POU6F2: variants seen among roughly 807,000 people sequenced by gnomAD.
POU6F2 encodes the protein POU class 6 homeobox 2, also known as POU domain, class 6, transcription factor 2.
POU6F2 carries 31 observed loss-of-function variants against 71.3 expected under a neutral mutation model. That is an observed-to-expected ratio of 0.43 (90% confidence interval 0.33 to 0.59). The LOEUF (loss-of-function observed/expected upper bound fraction) is 0.59. Among genes scored for constraint, POU6F2 ranks in the 20% least tolerant of loss-of-function variants. The pLI is 0.04. For synonymous variants in POU6F2, 347 were observed against 355.7 expected (o/e 0.98, Z 0.27); for missense variants, 783 against 856.8 (o/e 0.91, Z 1.07).
chr7:39,080,259 T>G (rs1791089905), intron 1 of POU6F2, among the ~76,000 whole-genome samples: 1 of 152,166 alleles, frequency 6.6e-6, no homozygotes, highest in African/African-American at 2.4e-5. Context: ...TTAATAATAT[T>G]TGGTAATTAA....
chr7:39,444,427 A>G (rs1788477021), intron 7 of POU6F2, among the ~76,000 whole-genome samples: 1 of 152,222 alleles, frequency 6.6e-6, no homozygotes, highest in South Asian at 2.1e-4. Flanking sequence ...CTACTAAAAT[A>G]CAAAAAGTTA....
chr7:39,093,818 C>A (rs1791401122), intron 2 of POU6F2, among the ~76,000 whole-genome samples: 1 of 152,080 alleles, frequency 6.6e-6, no homozygotes, highest in African/African-American at 2.4e-5. Context: ...TTCTTAGGCA[C>A]TGTGAGTGCA....
chr7:39,036,329 A>C (rs1790062693), intron 1 of POU6F2, among the ~76,000 whole-genome samples: 2 of 152,170 alleles, frequency 1.3e-5, no homozygotes, highest in African/African-American at 4.8e-5. Flanking sequence ...AAGCTACCGA[A>C]AATAGTCTTT....
At chr7:39,263,722 C>T (rs62453454) in intron 4 of POU6F2, among the ~76,000 whole-genome samples, 17,309 of 152,166 alleles carry the variant, frequency 0.11, 1,092 homozygotes, top group Middle Eastern at 0.17. Context: ...TTCTAATTAC[C>T]CTTATTGCAA....
At chr7:39,167,097 A>G (rs1268339143) in intron 2 of POU6F2, among the ~76,000 whole-genome samples, 2 of 152,202 alleles carry the variant, frequency 1.3e-5, no homozygotes, top group African/African-American at 4.8e-5. Context: ...TACTTTGTGT[A>G]TATCCAAACA....
At chr7:39,392,967 T>C (rs1787105021) in intron 5 of POU6F2, among the ~76,000 whole-genome samples, 1 of 152,258 alleles carries the variant, frequency 6.6e-6, no homozygotes, top group African/African-American at 2.4e-5. Flanking sequence ...CTCTTCTTCC[T>C]AAATGTAGAA....
chr7:39,404,319 C>A (rs1373765470), intron 5 of POU6F2, among the ~76,000 whole-genome samples: 1 of 152,180 alleles, frequency 6.6e-6, no homozygotes, highest in Non-Finnish European at 1.5e-5. Flanking sequence ...GGGACTATAT[C>A]TGAACAACAC....
chr7:39,304,479 A>G (rs1448654460), intron 4 of POU6F2, among the ~76,000 whole-genome samples: 1 of 152,170 alleles, frequency 6.6e-6, no homozygotes, highest in Non-Finnish European at 1.5e-5. Context: ...GTATCACAAG[A>G]TCTCTCCAAA....
At chr7:39,152,313 A>ACTGGCTCTGGCAGT (rs1792776489) in intron 2 of POU6F2, among the ~76,000 whole-genome samples, 1 of 152,004 alleles carries the variant, frequency 6.6e-6, no homozygotes, top group Non-Finnish European at 1.5e-5. Flanking sequence ...GTTGTTAGGG[A>ACTGGCTCTGGCAGT]CTGGCTGTGG....
chr7:39,358,384 C>G (rs1329761612), intron 5 of POU6F2, among the ~76,000 whole-genome samples: 1 of 151,904 alleles, frequency 6.6e-6, no homozygotes, highest in Non-Finnish European at 1.5e-5. Context: ...GTCCATGTGA[C>G]CTAATTATAC....
intron 4 of POU6F2, among the ~76,000 whole-genome samples, chr7:39,320,364 A>G (rs1177379815): frequency 6.6e-6 from 1 of 152,174 alleles, no homozygotes; most frequent in Non-Finnish European, 1.5e-5. Flanking sequence ...GCTGTCAGTC[A>G]TCAGGTGGAT....
chr7:39,143,265 C>G lies in POU6F2; in HGVS notation c.277+57234C>G, dbSNP rs563886940. 2.0e-5 allele frequency among the ~76,000 whole-genome samples: 3 copies of G among 152,258 alleles called. No individual in the cohort carries two copies. In the East Asian group the frequency reaches 5.8e-4, roughly 29 times the overall value. On this transcript the variant is annotated intron_variant, in intron 2 of 9. Coordinates refer to ENST00000518318, the MANE Select transcript of POU6F2 (RefSeq NM_001370959.1). ...TGAACTGATAAAACGAAATGATTAC[C>G]TCATTGTGTTAAGCACTATTCTCTT... is the stretch of plus-strand genomic sequence containing the variant.
chr7:39,076,927 G>C (rs1287623161), intron 1 of POU6F2, among the ~76,000 whole-genome samples: 1 of 152,094 alleles, frequency 6.6e-6, no homozygotes, highest in East Asian at 1.9e-4. Context: ...GAGTTTTTAA[G>C]ATGCTAGAAA....
intron 1 of POU6F2, among the ~76,000 whole-genome samples, chr7:39,045,002 G>T (rs1230033053): frequency 1.3e-5 from 2 of 151,862 alleles, no homozygotes; most frequent in African/African-American, 4.8e-5. Context: ...GATCAATTTT[G>T]CAATGCTTCT....
rs564411704 is a variant in POU6F2 at position 39,460,346 on chromosome 7, G to A, written c.1490-201G>A. ...GTTTTATCTGGGACAGAAACATCTC[G>A]AAGGATGATTTGTGGAGGTGTAATG... On this transcript the variant is annotated intron_variant, in intron 8 of 9. Transcript: ENST00000518318. This position sits in a 1 kb window ranked among gnomAD's most constrained non-coding sequence, Gnocchi z 4.4. Among the ~76,000 whole-genome samples, 45 of 152,294 alleles carry A rather than the reference G, an allele frequency of 3.0e-4. No individual in the cohort carries two copies. Among genetic ancestry groups the A allele is most frequent in the Middle Eastern group, 3.4e-3 (1 of 294 alleles).
rs376720772 is a variant in POU6F2, at chr7:39,356,942, AG to A, written c.972+16929del. Among the ~76,000 whole-genome samples, 1,089 of 152,326 alleles carry A rather than the reference AG, an allele frequency of 7.1e-3. 16 individuals are homozygous for A. Among genetic ancestry groups the A allele is most frequent in the African/African-American group, 0.025 (1,042 of 41,568 alleles). ...CTGGGAAGAAATGTACATCAAAGTA[AG>A]GACCATCATTTTCTAATTAATCTGT... On this transcript the variant is annotated intron_variant, in intron 5 of 9. Transcript: ENST00000518318.
chr7:39,069,025 G>C (rs1790819801), intron 1 of POU6F2, among the ~76,000 whole-genome samples: 1 of 152,172 alleles, frequency 6.6e-6, no homozygotes, highest in South Asian at 2.1e-4. Context: ...AAATTGTGGA[G>C]AGTGGACCAA....
intron 1 of POU6F2, among the ~76,000 whole-genome samples, chr7:38,996,406 A>G (rs543077273): frequency 1.3e-5 from 2 of 150,948 alleles, no homozygotes; most frequent in Non-Finnish European, 3.0e-5. Flanking sequence ...TATTTATTTA[A>G]CTTGCTATTG....
intron 4 of POU6F2, among the ~76,000 whole-genome samples, chr7:39,326,661 G>A (rs879681519): frequency 2.6e-5 from 4 of 152,150 alleles, no homozygotes; most frequent in Admixed American, 2.0e-4. Flanking sequence ...AGGCAGAAGA[G>A]GGTTATTTAA....
Sources: allele counts gnomAD v4.1 joint callset (sites outside exome capture counted in the v4.1 genomes callset), GRCh38; gene constraint gnomAD v4.1.1; non-coding constraint Gnocchi (gnomAD v3.1); transcripts MANE v1.5; gene names NCBI Gene and HGNC (gene_info 2026-07-23, HGNC 2026-07-21).